Variants in MAPT observed in about 807,000 individuals in gnomAD.
The protein encoded by MAPT is microtubule associated protein tau, also known as microtubule-associated protein tau.
MAPT carries 34 observed loss-of-function variants against 67.9 expected under a neutral mutation model. That is an observed-to-expected ratio of 0.50 (90% CI 0.38 to 0.67). The LOEUF is 0.67. Among genes scored for constraint, MAPT ranks in the 30% least tolerant of loss-of-function variants. The pLI, the probability that MAPT is intolerant of heterozygous loss-of-function variation, is 0.00. For synonymous variants in MAPT, 456 were observed against 464.5 expected (o/e 0.98, Z 0.23); for missense variants, 881 against 1,115.2 (o/e 0.79, Z 2.99).
intron 1 of MAPT, among the ~76,000 whole-genome samples, chr17:45,919,603 A>G (rs2065506200): frequency 6.6e-6 from 1 of 152,224 alleles, no homozygotes; most frequent in East Asian, 1.9e-4. Flanking sequence ...GATGAGGTTT[A>G]AAGCTCAGAA....
At chr17:45,917,598 A>G (rs2065304759) in intron 1 of MAPT, among the ~76,000 whole-genome samples, 1 of 152,166 alleles carries the variant, frequency 6.6e-6, no homozygotes. Flanking sequence ...GCTAAATAAC[A>G]GAAGCGACAT....
At chr17:45,916,293 G>C (rs1015917587) in intron 1 of MAPT, among the ~76,000 whole-genome samples, 1 of 152,252 alleles carries the variant, frequency 6.6e-6, no homozygotes, top group Non-Finnish European at 1.5e-5. Context: ...TGTTGCGTGT[G>C]CTCTGCAGAG....
intron 1 of MAPT, among the ~76,000 whole-genome samples, chr17:45,958,488 A>G (rs2069989250): frequency 6.6e-6 from 1 of 152,064 alleles, no homozygotes; most frequent in African/African-American, 2.4e-5. Context: ...GGAAGGCTGA[A>G]GCAGGCGGAT....
chr17:46,018,037 C>G (rs950445234), intron 11 of MAPT, among the ~76,000 whole-genome samples: 8 of 151,038 alleles, frequency 5.3e-5, no homozygotes, highest in Non-Finnish European at 8.8e-5. Context: ...CCCAGCCACT[C>G]GGTTGGCTGA....
intron 1 of MAPT, among the ~76,000 whole-genome samples, chr17:45,954,270 G>A (rs61531764): frequency 0.05 from 7,534 of 152,152 alleles, 609 homozygotes; most frequent in African/African-American, 0.17. Flanking sequence ...CTACAATTAC[G>A]TTGAGCAGTT....
At chr17:45,973,006 C>T (rs1421012471) in intron 3 of MAPT, 2 of 152,184 alleles carry the variant, frequency 1.3e-5, no homozygotes, top group Non-Finnish European at 2.9e-5. Flanking sequence ...GCAGTATCTG[C>T]CCCTCTATCT....
chr17:45,946,275 C>T (rs1024721063), intron 1 of MAPT, among the ~76,000 whole-genome samples: 1 of 152,084 alleles, frequency 6.6e-6, no homozygotes, highest in African/African-American at 2.4e-5. Context: ...CACACAACCA[C>T]TGTCATCCTC....
At chr17:45,946,615 A>AAAAAAAAAATATATAT in intron 1 of MAPT, among the ~76,000 whole-genome samples, 1 of 100,406 alleles carries the variant, frequency 1.0e-5, no homozygotes, top group African/African-American at 4.3e-5. Context: ...AAAAAAAAAA[A>AAAAAAAAAATATATAT]ATATATATAT....
intron 1 of MAPT, among the ~76,000 whole-genome samples, chr17:45,914,868 G>C (rs574538281): frequency 6.6e-6 from 1 of 151,338 alleles, no homozygotes. Context: ...CTATAGGCAC[G>C]CATACCACCG....
intron 1 of MAPT, among the ~76,000 whole-genome samples, chr17:45,903,021 A>G (rs1123171): frequency 6.6e-6 from 1 of 152,138 alleles, no homozygotes; most frequent in Non-Finnish European, 1.5e-5. Flanking sequence ...CAGTTTCACC[A>G]CAAAAAGTCC....
intron 2 of MAPT, among the ~76,000 whole-genome samples, chr17:45,964,625 C>T (rs1598179947): frequency 6.6e-6 from 1 of 151,686 alleles, no homozygotes; most frequent in Admixed American, 6.6e-5. Context: ...CGGAGGTTGC[C>T]GTGAGCCAAG....
At chr17:45,998,128 C>T (rs1036046539) in intron 9 of MAPT, among the ~76,000 whole-genome samples, 1 of 152,088 alleles carries the variant, frequency 6.6e-6, no homozygotes, top group African/African-American at 2.4e-5. Flanking sequence ...GCCTCCCCCA[C>T]GCAGGCGCTC....
At chr17:45,979,067 T>C (rs2163129) in intron 4 of MAPT, 21,993 of 152,326 alleles carry the variant, frequency 0.14, 2,124 homozygotes, top group Non-Finnish European at 0.22. Context: ...GCCCTGTGGC[T>C]GATCCAGGAG....
chr17:45,936,690 G>C (rs2067363555), intron 1 of MAPT, among the ~76,000 whole-genome samples: 1 of 152,196 alleles, frequency 6.6e-6, no homozygotes, highest in South Asian at 2.1e-4. Context: ...GGACGGGTCT[G>C]AATTTGTGCC....
chr17:46,018,804 G>A lies in MAPT; in HGVS notation c.2286+74G>A, dbSNP rs1044252862. The A allele has an allele frequency of 9.1e-6, 10 of 1,094,202 alleles. No homozygotes were observed. The South Asian group carries it at 1.1e-4, about 12-fold the overall frequency. 67.8% of individuals were successfully genotyped at this position (1,094,202 alleles called of 1,614,324 possible). A position where few individuals can be genotyped will look rare whatever the true frequency, so the allele number is the denominator to read the frequency against. ...TAATCAAGTTGAGTGGACAAAGGCT[G>A]GTCCAGTTCCCAGAGGAGGAAAACA... is the stretch of plus-strand genomic sequence containing the variant. On this transcript the variant is annotated intron_variant, in intron 12 of 12. Coordinates refer to ENST00000262410, the MANE Select transcript of MAPT (RefSeq NM_001377265.1).
At chr17:45,946,374 A>C (rs2068477394) in intron 1 of MAPT, among the ~76,000 whole-genome samples, 1 of 151,818 alleles carries the variant, frequency 6.6e-6, no homozygotes, top group Admixed American at 6.6e-5. Flanking sequence ...GGCTGAGGTG[A>C]GTGGATCACT....
At chr17:45,987,790 C>T (rs376235484) in intron 6 of MAPT, among the ~76,000 whole-genome samples, 14 of 152,204 alleles carry the variant, frequency 9.2e-5, no homozygotes, top group African/African-American at 2.9e-4. Flanking sequence ...GGCTCCCCAG[C>T]CTCATCTAGT....
intron 7 of MAPT, 79 bp downstream of exon 7, chr17:45,990,154 G>C: frequency 7.5e-7 from 1 of 1,326,740 alleles, no homozygotes; most frequent in Non-Finnish European, 1.1e-6. Context: ...TTGTTTTTTA[G>C]CCTCAAAGAC....
intron 1 of MAPT, among the ~76,000 whole-genome samples, chr17:45,941,146 C>T (rs2067814544): frequency 6.6e-6 from 1 of 152,192 alleles, no homozygotes; most frequent in African/African-American, 2.4e-5. Context: ...TGGGAGGCCA[C>T]AACTCCTACC....
Sources: allele counts gnomAD v4.1 joint callset (sites outside exome capture counted in the v4.1 genomes callset), GRCh38; gene constraint gnomAD v4.1.1; transcripts MANE v1.5; gene names NCBI Gene and HGNC (gene_info 2026-07-23, HGNC 2026-07-21).